The following LRRC28 variants were observed in gnomAD, a reference collection of about 807,000 sequenced individuals.
LRRC28 encodes leucine rich repeat containing 28.
Under a neutral mutation model 45.7 loss-of-function variants are expected in LRRC28, and 39 were observed. That is an observed-to-expected ratio of 0.85 (90% CI 0.66 to 1.12). The LOEUF (loss-of-function observed/expected upper bound fraction) is 1.12. LRRC28 is among the 50% of genes most tolerant of loss of function. The probability of loss-of-function intolerance (pLI) is 0.00; values close to 1 mark genes in which losing one functional copy is unlikely to be tolerated. For missense variants in LRRC28, 435 were observed against 438.5 expected (o/e 0.99, Z 0.07); for synonymous variants, 206 against 178.8 (o/e 1.15, Z -1.22).
At chr15:99,352,707 A>G (rs1255055885) in intron 7 of LRRC28, among the ~76,000 whole-genome samples, 1 of 152,138 alleles carries the variant, frequency 6.6e-6, no homozygotes, top group African/African-American at 2.4e-5. Context: ...AAACACCTTT[A>G]TTTCCCCCCA....
At chr15:99,351,217 C>T (rs1258394554) in intron 6 of LRRC28, among the ~76,000 whole-genome samples, 3 of 152,038 alleles carry the variant, frequency 2.0e-5, no homozygotes, top group African/African-American at 7.3e-5. Flanking sequence ...TGCTTAGGAG[C>T]GGAGAGGAGA....
rs965100450 is a variant in LRRC28 at position 99,316,442 on chromosome 15, C to A, written c.386-17481C>A. 3.3e-5 allele frequency among the ~76,000 whole-genome samples: 5 copies of A among 151,872 alleles called. No individual in the cohort carries two copies. In the South Asian group the frequency reaches 1.0e-3, roughly 32 times the overall value. On this transcript the variant is annotated intron_variant, in intron 5 of 9. Transcript: ENST00000301981. ...GAAACCACTTGCCTCTAATAAGGAA[C>A]TAGAGAAATGGGAATTAGGGAATAA...
Position 99,347,256 on chromosome 15 carries a change from C to A in LRRC28, c.593-5113C>A, listed in dbSNP as rs573123745. On this transcript the variant is annotated intron_variant, in intron 6 of 9. Coordinates refer to ENST00000301981, the MANE Select transcript of LRRC28 (RefSeq NM_144598.5). ...ATGGAGTCTCCCTCTGTCACCCAGG[C>A]TGGAGTGCAGTGGTGCTATCTCGGC... Among the ~76,000 whole-genome samples the A allele has an allele frequency of 3.3e-5, 5 of 151,764 alleles. No individual in the cohort carries two copies. The East Asian group carries it at 7.8e-4, about 24-fold the overall frequency.
chr15:99,359,313 A>G (rs1203340446), intron 7 of LRRC28, among the ~76,000 whole-genome samples: 1 of 152,224 alleles, frequency 6.6e-6, no homozygotes, highest in African/African-American at 2.4e-5. Flanking sequence ...CATATGACAA[A>G]GGATTGTTAT....
At chr15:99,289,888 G>C (rs2082066581) in intron 5 of LRRC28, among the ~76,000 whole-genome samples, 1 of 137,504 alleles carries the variant, frequency 7.3e-6, no homozygotes, top group Middle Eastern at 4.0e-3. Flanking sequence ...AGCCGAGATT[G>C]CGCCACTGCA....
At chr15:99,381,044 T>C (rs141787192) in intron 9 of LRRC28, among the ~76,000 whole-genome samples, 208 of 152,282 alleles carry the variant, frequency 1.4e-3, no homozygotes, top group African/African-American at 4.1e-3. Context: ...ATCTTTGTGG[T>C]GTTCTCTGTA....
chr15:99,264,241 G>A (rs979467376), intron 2 of LRRC28, among the ~76,000 whole-genome samples: 3 of 152,326 alleles, frequency 2.0e-5, no homozygotes, highest in African/African-American at 7.2e-5. Context: ...CAAGGTAGGC[G>A]CATGATAGAG....
At chr15:99,315,514 A>G (rs924633855) in intron 5 of LRRC28, among the ~76,000 whole-genome samples, 1 of 152,218 alleles carries the variant, frequency 6.6e-6, no homozygotes, top group Non-Finnish European at 1.5e-5. Flanking sequence ...TTGACAGTCC[A>G]TATGCTTGTT....
At chr15:99,290,075 TG>T (rs1292319070) in intron 5 of LRRC28, among the ~76,000 whole-genome samples, 14 of 150,422 alleles carry the variant, frequency 9.3e-5, no homozygotes, top group Non-Finnish European at 1.5e-4. Context: ...CTGGCTAACA[TG>T]GTGAAACCCC....
chr15:99,288,371 C>CTTTTTTT (rs67593137), intron 5 of LRRC28, among the ~76,000 whole-genome samples: 6 of 82,894 alleles, frequency 7.2e-5, no homozygotes, highest in Non-Finnish European at 1.1e-4. Context: ...TGTACATTAA[C>CTTTTTTT]TTTTTTTTTT....
rs1567721434 is a variant in LRRC28 at position 99,387,123 on chromosome 15, G to GAGTGGCGC, written c.*1021_*1022insAGTGGCGC. 6.8e-6 allele frequency: 1 copy of GAGTGGCGC among 148,084 alleles called. No homozygotes were observed. The highest frequency in any genetic ancestry group is 6.7e-5 in the Admixed American group (1 of 14,864). 9.2% of individuals were successfully genotyped at this position (148,084 alleles called of 1,614,324 possible). On this transcript the variant is annotated 3_prime_UTR_variant, in exon 10 of 10. Coordinates refer to ENST00000301981, the MANE Select transcript of LRRC28 (RefSeq NM_144598.5). Reference sequence around the variant, plus strand: ...TCGCCCAGGCTGGAGTGCAGTGGCGGGATCTCGGCTCACTGCAAGCTCCGC... The same window carrying GAGTGGCGC: ...TCGCCCAGGCTGGAGTGCAGTGGCGGAGTGGCGCGATCTCGGCTCACTGCAAGCTCCGC...
chr15:99,321,283 T>C (rs1955787175), intron 5 of LRRC28, among the ~76,000 whole-genome samples: 1 of 152,218 alleles, frequency 6.6e-6, no homozygotes, highest in Non-Finnish European at 1.5e-5. Flanking sequence ...TTTATTTGCT[T>C]ACGTGACTTC....
intron 9 of LRRC28, among the ~76,000 whole-genome samples, chr15:99,370,636 T>C (rs972043730): frequency 2.6e-5 from 4 of 152,164 alleles, no homozygotes; most frequent in Non-Finnish European, 5.9e-5. Flanking sequence ...TGCCTAAAAC[T>C]GTATACATAT....
intron 6 of LRRC28, chr15:99,338,606 A>G (rs960652980): frequency 2.6e-5 from 4 of 152,180 alleles, no homozygotes; most frequent in African/African-American, 4.8e-5. Flanking sequence ...GCTCCCTATG[A>G]TGGGAGGTGG....
chr15:99,309,432 G>A (rs1024886485), intron 5 of LRRC28, among the ~76,000 whole-genome samples: 7 of 151,916 alleles, frequency 4.6e-5, no homozygotes, highest in Non-Finnish European at 1.0e-4. Flanking sequence ...TTTTTGAGAT[G>A]GAGTCTCGCT....
At position 99,370,691 on chromosome 15, in the gene LRRC28, A is replaced by G. The variant is rs1434930126; in HGVS notation, c.1031+7426A>G. ...TTGTTATGGCAAATTTTTTTGTTCA[A>G]TTACAAATGTTATTAAGCAAGTTAC... is the stretch of plus-strand genomic sequence containing the variant. On this transcript the variant is annotated intron_variant, in intron 9 of 9. Coordinates refer to ENST00000301981, the MANE Select transcript of LRRC28 (RefSeq NM_144598.5). Among the ~76,000 whole-genome samples, 6 of 152,228 alleles carry G rather than the reference A, an allele frequency of 3.9e-5. No individual in the cohort carries two copies. The South Asian group carries it at 6.2e-4, about 16-fold the overall frequency.
rs544050254 is a variant in LRRC28 at position 99,302,050 on chromosome 15, G to A, written c.385+14099G>A. ...AATAATTTTTTTTTTTTTTTGAGAC[G>A]GAGTCTTGCTCTGTTGCCCAGGCTG... On this transcript the variant is annotated intron_variant, in intron 5 of 9. Coordinates refer to ENST00000301981, the MANE Select transcript of LRRC28 (RefSeq NM_144598.5). Among the ~76,000 whole-genome samples the A allele has an allele frequency of 1.3e-3, 195 of 145,844 alleles. 2 individuals are homozygous for A. Among genetic ancestry groups the A allele is most frequent in the South Asian group, 4.5e-3 (21 of 4,692 alleles).
chr15:99,308,803 T>A (rs1955289892), intron 5 of LRRC28, among the ~76,000 whole-genome samples: 3 of 152,232 alleles, frequency 2.0e-5, no homozygotes, highest in Non-Finnish European at 4.4e-5. Context: ...TTTCTATGGA[T>A]CAGCAGTCTA....
At chr15:99,287,178 T>C (rs1359054390) in intron 3 of LRRC28, 79 bp from the exon 4 acceptor site, 11 of 1,243,524 alleles carry the variant, frequency 8.8e-6, no homozygotes. Context: ...GATAAATTTC[T>C]AAGTGAGCAT....
Sources: allele counts gnomAD v4.1 joint callset (sites outside exome capture counted in the v4.1 genomes callset), GRCh38; gene constraint gnomAD v4.1.1; transcripts MANE v1.5; gene names NCBI Gene and HGNC (gene_info 2026-07-23, HGNC 2026-07-21).